KIF21B: variants seen among roughly 807,000 people sequenced by gnomAD.
KIF21B encodes kinesin family member 21B, also known as kinesin-like protein KIF21B.
KIF21B carries 85 observed loss-of-function variants against 192.9 expected under a neutral mutation model. The observed-to-expected ratio is 0.44, with a 90% CI of 0.37 to 0.53. KIF21B has a LOEUF of 0.53. Among genes scored for constraint, KIF21B ranks in the 20% least tolerant of loss-of-function variants. KIF21B has a pLI of 0.00. For synonymous variants in KIF21B, 832 were observed against 884.6 expected, an observed-to-expected ratio of 0.94 and a Z score of 1.05; for missense variants, 1,716 against 2,194.8, an observed-to-expected ratio of 0.78 and a Z score of 4.36.
intron 3 of KIF21B, among the ~76,000 whole-genome samples, chr1:201,008,317 G>T (rs541372091): frequency 1.3e-5 from 2 of 152,318 alleles, no homozygotes; most frequent in East Asian, 3.9e-4. Flanking sequence ...GACTCAGGGG[G>T]CCAGGAAGCA....
chr1:200,974,214 A>G, intron 34 of KIF21B: 1 of 1,530,718 alleles, frequency 6.5e-7, no homozygotes, highest in South Asian at 1.3e-5. Flanking sequence ...GAGAGAGGCG[A>G]GGACAGAGAG....
chr1:201,016,728 C>T (rs1658528329), intron 1 of KIF21B, among the ~76,000 whole-genome samples: 1 of 152,178 alleles, frequency 6.6e-6, no homozygotes, highest in African/African-American at 2.4e-5. Context: ...AGCTCTGTGA[C>T]AGCCAGAGGG....
rs1395247207 is a variant in KIF21B at position 200,990,956 on chromosome 1, T to C, written c.2648A>G (p.Asp883Gly). ...WNRKINHFLG[D>G]HPAPTVNGTR... ...GCCATTGACAGTGGGCGCAGGATGG[T>C]CCCCCAAGAAGTGGTTGATTTTGCG... Residue 883 changes from aspartate to glycine, a missense_variant, in exon 18 of 35, where the codon GAC (aspartate) becomes GGC (glycine). This residue lies in a region of KIF21B where 1,087 missense variants were observed against 1,316.6 expected (regional missense o/e 0.83). Transcript: ENST00000461742. The surrounding 1 kb of genome is among the most constrained non-coding windows in gnomAD (Gnocchi z 5.4). The C allele has an allele frequency of 5.6e-6, 9 of 1,614,080 alleles. No individual in the cohort carries two copies. The East Asian group carries it at 6.7e-5, about 12-fold the overall frequency.
chr1:201,003,772 G>A lies in KIF21B; in HGVS notation c.1026C>T (p.Ile342=), dbSNP rs772324470. ...QDSLGGNSQT[I]MIACVSPSDR... is the part of the protein sequence containing the mutation. Reference sequence around the variant, plus strand: ...CTGAGGGGCTCACACAGGCGATCATGATGGTCTGGCTGGGGGTGCAGAAAG... The same window carrying A: ...CTGAGGGGCTCACACAGGCGATCATAATGGTCTGGCTGGGGGTGCAGAAAG... The change falls in exon 8 of 35, where the codon ATC becomes ATT. Residue 342 remains isoleucine, a synonymous_variant. Transcript: ENST00000461742. 1 of 1,614,212 alleles carries A rather than the reference G, an allele frequency of 6.2e-7. No homozygotes were observed. Among genetic ancestry groups the A allele is most frequent in the Non-Finnish European group, 8.5e-7 (1 of 1,180,034 alleles).
At position 200,990,485 on chromosome 1, in the gene KIF21B, G is replaced by C; in HGVS notation, c.2835+91C>G. ...GGCAAAAGGAGCAGAGGGAAGTGGG[G>C]CAGGGAAAGGTCTGAAGAGCCAGAG... On this transcript the variant is annotated intron_variant, in intron 19 of 34. Transcript: ENST00000461742. The surrounding 1 kb of genome is among the most constrained non-coding windows in gnomAD (Gnocchi z 5.4). The C allele has an allele frequency of 6.6e-7, 1 of 1,517,908 alleles. No homozygotes were observed. The highest frequency in any genetic ancestry group is 1.2e-5 in the South Asian group (1 of 82,278). 94.0% of individuals were successfully genotyped at this position (1,517,908 alleles called of 1,614,324 possible). A position where few individuals can be genotyped will look rare whatever the true frequency, so the allele number is the denominator to read the frequency against.
chr1:200,997,698 C>T (rs1000886979), intron 14 of KIF21B, among the ~76,000 whole-genome samples: 11 of 152,138 alleles, frequency 7.2e-5, no homozygotes, highest in African/African-American at 2.4e-4. Flanking sequence ...GCCGAGATCA[C>T]GCCACTGCAC....
intron 34 of KIF21B, chr1:200,973,974 G>A: frequency 6.5e-7 from 1 of 1,547,784 alleles, no homozygotes; most frequent in South Asian, 1.2e-5. Context: ...GGAAGGGAAA[G>A]GAAGAAGAAG....
intron 8 of KIF21B, 170 bp from the exon 9 acceptor site, chr1:201,002,520 G>A: frequency 1.6e-6 from 1 of 606,064 alleles, no homozygotes; most frequent in East Asian, 2.8e-5. Flanking sequence ...GGCCCCCAGT[G>A]ATCAAAAACC....
At chr1:200,974,220 G>A (rs1362593817) in intron 34 of KIF21B, 3 of 1,526,724 alleles carry the variant, frequency 2.0e-6, no homozygotes, top group Non-Finnish European at 2.6e-6. Flanking sequence ...GGCGAGGACA[G>A]AGAGGAGAGG....
chr1:200,996,715 A>G (rs1657091901), intron 14 of KIF21B, among the ~76,000 whole-genome samples: 2 of 152,140 alleles, frequency 1.3e-5, no homozygotes, highest in South Asian at 2.1e-4. Flanking sequence ...CCCATGATCC[A>G]GTGTTGGAGG....
Position 201,003,284 on chromosome 1 carries a change from G to A in KIF21B, c.1212+302C>T, listed in dbSNP as rs576769691. 21 of 456,362 alleles carry A rather than the reference G, an allele frequency of 4.6e-5. No individual in the cohort carries two copies. The East Asian group carries it at 8.8e-4, about 19-fold the overall frequency. 28.3% of individuals were successfully genotyped at this position (456,362 alleles called of 1,614,324 possible). The stretch of plus-strand genomic sequence containing the variant: ...CATTCAGCAGATATGAAAACACCCT[G>A]GAGAGTGTCTGCCCTGTGCACAAGA... On this transcript the variant is annotated intron_variant, in intron 8 of 34. Coordinates refer to ENST00000461742, the MANE Select transcript of KIF21B (RefSeq NM_001252102.2).
chr1:201,010,032 C>T (rs532159041), intron 1 of KIF21B, among the ~76,000 whole-genome samples: 2 of 152,308 alleles, frequency 1.3e-5, no homozygotes, highest in Admixed American at 6.5e-5. Flanking sequence ...ACTGGATGCT[C>T]CCACAGCTCT....
chr1:200,983,009 CGAGAGT>C (rs1438983153), intron 28 of KIF21B, 41 bp downstream of exon 28: 1 of 1,511,624 alleles, frequency 6.6e-7, no homozygotes, highest in Non-Finnish European at 8.9e-7. Flanking sequence ...GAGAGGGTGC[CGAGAGT>C]GAGAGTGGGG....
chr1:201,012,583 C>T (rs576079239), intron 1 of KIF21B, among the ~76,000 whole-genome samples: 8 of 152,222 alleles, frequency 5.3e-5, no homozygotes, highest in Non-Finnish European at 7.3e-5. Flanking sequence ...CCTGATCTGG[C>T]TGACTGAATG....
chr1:200,991,871 G>A lies in KIF21B; in HGVS notation c.2386-146C>T, dbSNP rs1205589736. ...AAACTCTTGATAAAGTGGGACCCAG[G>A]GTTGAGCTCCCCTCCCCAGAGGTTG... is the stretch of plus-strand genomic sequence containing the variant. On this transcript the variant is annotated intron_variant, in intron 16 of 34. Transcript: ENST00000461742. The A allele has an allele frequency of 1.1e-5, 9 of 821,198 alleles. No homozygotes were observed. In the African/African-American group the frequency reaches 1.2e-4, roughly 11 times the overall value. The allele number at this position is 821,198 out of a possible 1,614,324, so 50.9% of individuals were successfully genotyped here.
rs998012701 is a variant in KIF21B, at chr1:200,999,922, C to G, written c.1728G>C (p.Gln576His). ...EAFKKRAKLQQENSEETDENE... is the reference protein window; with the variant it reads ...EAFKKRAKLQHENSEETDENE... ...TCTCATCCGTCTCCTCGCTGTTCTC[C>G]TGTTGGAGTTTTGCCCTCTTTTTGA... The change falls in exon 12 of 35, where the codon CAG becomes CAC. Residue 576 changes from glutamine (Q) to histidine (H), a missense_variant. Gln to His is a conservative substitution (Grantham distance 24). Transcript: ENST00000461742. The surrounding 1 kb of genome is among the most constrained non-coding windows in gnomAD (Gnocchi z 4.7). 1 of 1,614,062 alleles carries G rather than the reference C, an allele frequency of 6.2e-7. No homozygotes were observed. The highest frequency in any genetic ancestry group is 8.5e-7 in the Non-Finnish European group (1 of 1,180,028).
Position 201,000,253 on chromosome 1 carries a change from T to C in KIF21B, c.1685+137A>G. 3 of 930,316 alleles carry C rather than the reference T, an allele frequency of 3.2e-6. No homozygotes were observed. Among genetic ancestry groups the C allele is most frequent in the Non-Finnish European group, 4.9e-6 (3 of 614,420 alleles). The allele number at this position is 930,316 out of a possible 1,614,324, so 57.6% of individuals were successfully genotyped here. A position where few individuals can be genotyped will look rare whatever the true frequency, so the allele number is the denominator to read the frequency against. ...ATCTGCGCCATGAATTCCCAAGCAA[T>C]ACTGAGGCAGCCCCTGGGGCTGGGG... On this transcript the variant is annotated intron_variant, in intron 11 of 34. Transcript: ENST00000461742. The surrounding 1 kb of genome is among the most constrained non-coding windows in gnomAD (Gnocchi z 6.0).
At position 201,002,241 on chromosome 1, in the gene KIF21B, A is replaced by G; in HGVS notation, c.1322T>C (p.Met441Thr). The change falls in exon 9 of 35, where the codon ATG becomes ACG. Residue 441 changes from methionine to threonine, a missense_variant. Physicochemically the swap from Met to Thr is moderately conservative, Grantham distance 81. This residue lies in a region of KIF21B where 1,087 missense variants were observed against 1,316.6 expected (regional missense o/e 0.83). Coordinates refer to ENST00000461742, the MANE Select transcript of KIF21B (RefSeq NM_001252102.2). Reference sequence around the variant, plus strand: ...GTTGATGGCATCGATGGCCTCCTGCATGGCTTTCACCCGCAGCCGCAGGGC... The same window carrying G: ...GTTGATGGCATCGATGGCCTCCTGCGTGGCTTTCACCCGCAGCCGCAGGGC... ...NGALRLRVKA[M>T]QEAIDAINNR... The G allele has an allele frequency of 6.2e-7, 1 of 1,614,214 alleles. No homozygotes were observed. Among genetic ancestry groups the G allele is most frequent in the Non-Finnish European group, 8.5e-7 (1 of 1,180,036 alleles).
In KIF21B at chr1:201,019,623, AG is replaced by A. The variant is rs369014647; in HGVS notation, c.41+3719del. 1.8e-3 allele frequency among the ~76,000 whole-genome samples: 267 copies of A among 151,860 alleles called. 2 individuals are homozygous for A. Among genetic ancestry groups the A allele is most frequent in the African/African-American group, 5.9e-3 (246 of 41,404 alleles). On this transcript the variant is annotated intron_variant, in intron 1 of 34. Coordinates refer to ENST00000461742, the MANE Select transcript of KIF21B (RefSeq NM_001252102.2). ...ATCAGGCAGGCAGGCTGGGTGGTGG[AG>A]GGGGAGGTTTCCGGGGCCTGTGGTT...
Sources: allele counts gnomAD v4.1 joint callset (sites outside exome capture counted in the v4.1 genomes callset), GRCh38; gene constraint gnomAD v4.1.1; regional missense constraint gnomAD v4.1.1; non-coding constraint Gnocchi (gnomAD v3.1); transcripts MANE v1.5; gene names NCBI Gene and HGNC (gene_info 2026-07-23, HGNC 2026-07-21).